Variants in CNTNAP2 observed in about 807,000 individuals in gnomAD.
The protein encoded by CNTNAP2 is contactin-associated protein-like 2.
Under a neutral mutation model 155.2 loss-of-function variants are expected in CNTNAP2, and 98 were observed. That is an observed-to-expected ratio of 0.63 (90% CI 0.54 to 0.75). The LOEUF (loss-of-function observed/expected upper bound fraction) is 0.75. Ranked by LOEUF, CNTNAP2 falls within the 30% of genes least tolerant of loss-of-function variation. The probability of loss-of-function intolerance (pLI) is 0.00; values close to 1 mark genes in which losing one functional copy is unlikely to be tolerated. For synonymous variants in CNTNAP2, 651 were observed against 631.2 expected, an observed-to-expected ratio of 1.03 and a Z score of -0.47; for missense variants, 1,727 against 1,688.1, an observed-to-expected ratio of 1.02 and a Z score of -0.40.
chr7:147,208,353 C>A (rs1334400864), intron 8 of CNTNAP2, among the ~76,000 whole-genome samples: 1 of 152,006 alleles, frequency 6.6e-6, no homozygotes, highest in Non-Finnish European at 1.5e-5. Flanking sequence ...TATTTTTATA[C>A]TAACTTTTGT....
intron 21 of CNTNAP2, among the ~76,000 whole-genome samples, chr7:148,333,539 G>A (rs1798067800): frequency 6.6e-6 from 1 of 152,064 alleles, no homozygotes. Context: ...AAAGGCATGA[G>A]GTAACCTCAT....
chr7:148,181,319 C>T (rs975528567), intron 18 of CNTNAP2, among the ~76,000 whole-genome samples: 52 of 151,818 alleles, frequency 3.4e-4, no homozygotes, highest in Non-Finnish European at 1.5e-4. Context: ...AATACCATAA[C>T]GCATGAAAAT....
intron 1 of CNTNAP2, among the ~76,000 whole-genome samples, chr7:146,582,961 TA>T (rs1798634234): frequency 6.7e-6 from 1 of 149,216 alleles, no homozygotes; most frequent in African/African-American, 2.4e-5. Context: ...ATTTAATATA[TA>T]ATACTCATTA....
intron 3 of CNTNAP2, among the ~76,000 whole-genome samples, chr7:146,877,210 A>G (rs1321727577): frequency 6.6e-6 from 1 of 152,124 alleles, no homozygotes; most frequent in Non-Finnish European, 1.5e-5. Context: ...CATTAAAAAC[A>G]TAGGAAAGGG....
At chr7:147,347,461 T>TATATATATGC (rs1554472699) in intron 9 of CNTNAP2, among the ~76,000 whole-genome samples, 1,919 of 62,466 alleles carry the variant, frequency 0.031, 55 homozygotes, top group Non-Finnish European at 0.044. Context: ...TATATGCATA[T>TATATATATGC]ATATATATAT....
At chr7:148,076,743 G>A (rs1378357643) in intron 15 of CNTNAP2, among the ~76,000 whole-genome samples, 6 of 151,852 alleles carry the variant, frequency 4.0e-5, no homozygotes, top group African/African-American at 9.7e-5. Flanking sequence ...GTGCCCGGCC[G>A]ATAGCTCTGA....
intron 20 of CNTNAP2, among the ~76,000 whole-genome samples, chr7:148,255,203 A>G (rs915301763): frequency 6.6e-6 from 1 of 152,212 alleles, no homozygotes; most frequent in Non-Finnish European, 1.5e-5. Context: ...ATGATTTACA[A>G]TCATCTTCTG....
At chr7:146,307,473 A>C (rs1039513700) in intron 1 of CNTNAP2, among the ~76,000 whole-genome samples, 8 of 152,168 alleles carry the variant, frequency 5.3e-5, no homozygotes, top group African/African-American at 1.7e-4. Context: ...GAACTTGAAA[A>C]AACTACTTTA....
chr7:147,468,865 G>A (rs1383532905), intron 10 of CNTNAP2, among the ~76,000 whole-genome samples: 2 of 149,544 alleles, frequency 1.3e-5, no homozygotes, highest in African/African-American at 5.0e-5. Flanking sequence ...CCCCCAGACA[G>A]AGTGTCACTC....
intron 1 of CNTNAP2, among the ~76,000 whole-genome samples, chr7:146,664,861 A>G (rs913961978): frequency 3.9e-5 from 6 of 152,198 alleles, no homozygotes; most frequent in African/African-American, 1.4e-4. Context: ...AGTAAATATT[A>G]GTTTGTATCT....
chr7:147,698,124 T>C (rs183373553), intron 13 of CNTNAP2, among the ~76,000 whole-genome samples: 1 of 152,212 alleles, frequency 6.6e-6, no homozygotes, highest in African/African-American at 2.4e-5. Context: ...TCTCCAATGT[T>C]GCCCTGTGGT....
intron 1 of CNTNAP2, among the ~76,000 whole-genome samples, chr7:146,358,278 C>T (rs1432985784): frequency 2.6e-5 from 4 of 152,132 alleles, no homozygotes; most frequent in Non-Finnish European, 4.4e-5. Flanking sequence ...TCGTGATCCA[C>T]CCTCCTCAGC....
rs57536000 is a variant in CNTNAP2 at position 147,103,885 on chromosome 7, C to T, written c.551-4262C>T. Among the ~76,000 whole-genome samples the T allele has an allele frequency of 6.7e-3, 1,025 of 152,130 alleles. 10 individuals are homozygous for T. The highest frequency in any genetic ancestry group is 0.024 in the African/African-American group (980 of 41,524). Reference sequence around the variant, plus strand: ...GAGAAAGATTCTACAAAGCACCTGGCTGGTGCTCTTCTAGAGGGTCAAGGT... The same window carrying T: ...GAGAAAGATTCTACAAAGCACCTGGTTGGTGCTCTTCTAGAGGGTCAAGGT... On this transcript the variant is annotated intron_variant, in intron 4 of 23. Transcript: ENST00000361727.
At chr7:148,385,332 T>C (rs1637837) in intron 22 of CNTNAP2, among the ~76,000 whole-genome samples, 110,772 of 152,164 alleles carry the variant, frequency 0.73, 41,229 homozygotes, top group Admixed American at 0.81. Context: ...GATTACACAG[T>C]GGGCTGGCTT....
intron 21 of CNTNAP2, among the ~76,000 whole-genome samples, chr7:148,370,896 C>G (rs1355008425): frequency 6.6e-6 from 1 of 152,202 alleles, no homozygotes; most frequent in Non-Finnish European, 1.5e-5. Flanking sequence ...CTAGAGTCTT[C>G]TCTTCCCCAC....
intron 1 of CNTNAP2, among the ~76,000 whole-genome samples, chr7:146,680,953 T>TC (rs1286140438): frequency 1.3e-5 from 2 of 152,150 alleles, no homozygotes; most frequent in African/African-American, 4.8e-5. Flanking sequence ...GAACTTCCTA[T>TC]CAAAGCTGAT....
At chr7:148,184,566 C>T (rs1305906511) in intron 18 of CNTNAP2, among the ~76,000 whole-genome samples, 1 of 152,214 alleles carries the variant, frequency 6.6e-6, no homozygotes, top group Non-Finnish European at 1.5e-5. Context: ...AATCATTTCT[C>T]AGCAATCCTC....
intron 21 of CNTNAP2, among the ~76,000 whole-genome samples, chr7:148,298,360 G>A (rs901070193): frequency 6.6e-6 from 1 of 152,128 alleles, no homozygotes; most frequent in Admixed American, 6.5e-5. Flanking sequence ...CAGCCTAAAG[G>A]GTTGAAAATG....
intron 15 of CNTNAP2, among the ~76,000 whole-genome samples, chr7:148,025,656 C>A (rs2116923971): frequency 6.6e-6 from 1 of 152,312 alleles, no homozygotes; most frequent in Admixed American, 6.5e-5. Flanking sequence ...CTCAACCTTT[C>A]TTTCTTGATT....
Sources: gnomAD v4.1 joint callset for allele counts (sites outside exome capture counted in the v4.1 genomes callset) on GRCh38, gnomAD v4.1.1 for gene constraint, MANE v1.5 for transcripts, NCBI Gene and HGNC (gene_info 2026-07-23, HGNC 2026-07-21) for gene names.